The following TIPARP variants were observed in gnomAD, a reference collection of about 807,000 sequenced individuals.
TIPARP encodes TCDD inducible poly(ADP-ribose) polymerase.
TIPARP carries 12 observed loss-of-function variants against 56.5 expected under a neutral mutation model. The ratio of observed to expected loss-of-function variants is 0.21; its 90% CI spans 0.14 to 0.34. The LOEUF (loss-of-function observed/expected upper bound fraction) is 0.34. Ranked by LOEUF, TIPARP falls within the 10% of genes least tolerant of loss-of-function variation. The probability of loss-of-function intolerance (pLI) is 1.00; values close to 1 mark genes in which losing one functional copy is unlikely to be tolerated. For missense variants in TIPARP, 604 were observed against 781.6 expected (o/e 0.77, Z 2.71); for synonymous variants, 296 against 265.7 (o/e 1.11, Z -1.11).
intron 4 of TIPARP, among the ~76,000 whole-genome samples, chr3:156,698,428 A>G (rs964083636): frequency 1.3e-5 from 2 of 152,214 alleles, no homozygotes; most frequent in Admixed American, 6.5e-5. Flanking sequence ...GGACAGGGCT[A>G]TCTTGTCAAG....
Position 156,677,872 on chromosome 3 carries a change from A to G in TIPARP, c.175A>G (p.Ile59Val), listed in dbSNP as rs1722186405. Residue 59 changes from isoleucine to valine, a missense_variant, in exon 2 of 6, where the codon ATA becomes GTA. This residue lies in a region of TIPARP where 261 missense variants were observed against 279.2 expected (regional missense o/e 0.93). Coordinates refer to ENST00000295924, the MANE Select transcript of TIPARP (RefSeq NM_015508.5). ...GTGTLRSLRP[I>V]LNTLLESGSL... ...TGGAACCCTGAGGTCTTTGAGGCCA[A>G]TATTAAACACTCTTCTAGAATCTGG... is the stretch of plus-strand genomic sequence containing the variant. 1.2e-6 allele frequency: 2 copies of G among 1,614,072 alleles called. No homozygotes were observed. The highest frequency in any genetic ancestry group is 1.3e-5 in the African/African-American group (1 of 74,918).
Position 156,704,666 on chromosome 3 carries a change from G to C in TIPARP, c.1527-18G>C, listed in dbSNP as rs750729713. 7.5e-6 allele frequency: 12 copies of C among 1,598,444 alleles called. No individual in the cohort carries two copies. The highest frequency in any genetic ancestry group is 9.4e-6 in the Non-Finnish European group (11 of 1,171,850). On this transcript the variant is annotated intron_variant, in intron 5 of 5. Transcript: ENST00000295924. Reference sequence around the variant, plus strand: ...TGTATTTCATCCTTCTGAATTCTCTGTCTGTTCTTTCCATTAGGAAAAAGG... The same window carrying C: ...TGTATTTCATCCTTCTGAATTCTCTCTCTGTTCTTTCCATTAGGAAAAAGG...
rs1004599904 is a variant in TIPARP, at chr3:156,694,116, T to C, written c.1014T>C (p.Asn338=). The change falls in exon 3 of 6, where the codon AAT becomes AAC. Residue 338 remains asparagine, a synonymous_variant. Coordinates refer to ENST00000295924, the MANE Select transcript of TIPARP (RefSeq NM_015508.5). ...LRRLSTPPSS[N]VNSIYHTVWK... ...GGCTGTCCACACCACCCTCTAGCAA[T>C]GTCAACTCTATTTACCACACAGTCT... 7 of 1,613,522 alleles carry C rather than the reference T, an allele frequency of 4.3e-6. No individual in the cohort carries two copies. In the Admixed American group the frequency reaches 5.0e-5, roughly 12 times the overall value.
intron 2 of TIPARP, among the ~76,000 whole-genome samples, chr3:156,690,107 A>C (rs1387741936): frequency 1.3e-5 from 2 of 152,128 alleles, no homozygotes; most frequent in Non-Finnish European, 2.9e-5. Context: ...CTTGGTTACA[A>C]ACACTTTATA....
rs1722186039 is a variant in TIPARP, at chr3:156,677,852, C to T, written c.155C>T (p.Thr52Ile). 7 of 1,614,018 alleles carry T rather than the reference C, an allele frequency of 4.3e-6. No homozygotes were observed. In the East Asian group the frequency reaches 8.9e-5, roughly 21 times the overall value. The change falls in exon 2 of 6, where the codon ACC becomes ATC. Residue 52 changes from threonine (T) to isoleucine (I), a missense_variant. By Grantham distance (89) the Thr-to-Ile change is moderately conservative. Transcript: ENST00000295924. ...GATCAGAAAAGATTGGGAACTGGAA[C>T]CCTGAGGTCTTTGAGGCCAATATTA... ...KKDQKRLGTG[T>I]LRSLRPILNT...
rs1475476875 is a variant in TIPARP, at chr3:156,705,755, AAAC to A, written c.*633_*635del. Reference sequence around the variant, plus strand: ...TCAGAGTTCTATTTAGAGGAAGTTAAAACAACAACAAAAAACAACCATTTGAAA... The same window carrying A: ...TCAGAGTTCTATTTAGAGGAAGTTAAAACAACAAAAAACAACCATTTGAAA... On this transcript the variant is annotated 3_prime_UTR_variant, in exon 6 of 6. Transcript: ENST00000295924. 1 of 152,688 alleles carries A rather than the reference AAAC, an allele frequency of 6.5e-6. No homozygotes were observed. The highest frequency in any genetic ancestry group is 1.9e-4 in the East Asian group (1 of 5,204). 9.5% of individuals were successfully genotyped at this position (152,688 alleles called of 1,614,324 possible). A position where few individuals can be genotyped will look rare whatever the true frequency, so the allele number is the denominator to read the frequency against.
At chr3:156,675,854 T>C (rs1322012409) in intron 1 of TIPARP, 2 of 152,210 alleles carry the variant, frequency 1.3e-5, no homozygotes, top group African/African-American at 2.4e-5. Context: ...TTTTCTGTTA[T>C]GAAAACTAAT....
chr3:156,699,631 C>A (rs1013260074), intron 4 of TIPARP, among the ~76,000 whole-genome samples: 1 of 152,076 alleles, frequency 6.6e-6, no homozygotes, highest in Admixed American at 6.5e-5. Flanking sequence ...AATTGTATTA[C>A]TCACTTTATT....
rs375315846 is a variant in TIPARP, at chr3:156,678,158, C to G, written c.461C>G (p.Ser154Cys). 47 of 1,613,994 alleles carry G rather than the reference C, an allele frequency of 2.9e-5. No individual in the cohort carries two copies. Among genetic ancestry groups the G allele is most frequent in the Non-Finnish European group, 3.9e-5 (46 of 1,180,048 alleles). ...SETLSGTVAD[S>C]TPAHFQTDLL... is the part of the protein sequence containing the mutation. ...ACCCTCAGTGGGACGGTGGCAGATT[C>G]CACACCAGCTCACTTCCAGACTGAT... The change falls in exon 2 of 6, where the codon TCC (serine) becomes TGC (cysteine). Residue 154 changes from serine (S) to cysteine (C), a missense_variant. Around this residue, in one of 4 missense-constraint regions of TIPARP, gnomAD observed 261 missense variants for 279.2 expected, o/e 0.93. Coordinates refer to ENST00000295924, the MANE Select transcript of TIPARP (RefSeq NM_015508.5).
intron 2 of TIPARP, among the ~76,000 whole-genome samples, chr3:156,680,566 T>C (rs1457569525): frequency 3.3e-5 from 5 of 152,184 alleles, no homozygotes; most frequent in African/African-American, 1.2e-4. Flanking sequence ...GTACATTAAG[T>C]TTCTATCTGT....
intron 2 of TIPARP, among the ~76,000 whole-genome samples, chr3:156,689,765 G>T (rs1481543367): frequency 6.6e-6 from 1 of 152,176 alleles, no homozygotes; most frequent in Non-Finnish European, 1.5e-5. Flanking sequence ...TGTGTGCCTT[G>T]TTTGGTTAGC....
At position 156,706,670 on chromosome 3, in the gene TIPARP, C is replaced by T. The variant is rs1021924361; in HGVS notation, c.*1539C>T. 2 of 152,604 alleles carry T rather than the reference C, an allele frequency of 1.3e-5. No individual in the cohort carries two copies. Among genetic ancestry groups the T allele is most frequent in the Non-Finnish European group, 2.9e-5 (2 of 68,026 alleles). The allele number at this position is 152,604 out of a possible 1,614,324, so 9.5% of individuals were successfully genotyped here. A position where few individuals can be genotyped will look rare whatever the true frequency, so the allele number is the denominator to read the frequency against. On this transcript the variant is annotated 3_prime_UTR_variant, in exon 6 of 6. Coordinates refer to ENST00000295924, the MANE Select transcript of TIPARP (RefSeq NM_015508.5). ...CCATTGCTTATTTGGTTTTATGAGA[C>T]TTGTTCCTTTTTTTCTCCCTAAGGA...
intron 4 of TIPARP, among the ~76,000 whole-genome samples, chr3:156,696,750 T>C (rs1055109069): frequency 2.0e-5 from 3 of 152,208 alleles, no homozygotes; most frequent in African/African-American, 7.2e-5. Context: ...TTAGTATCTC[T>C]AGGGAAATCA....
At position 156,677,322 on chromosome 3, in the gene TIPARP, T is replaced by C. The variant is rs528685705; in HGVS notation, c.-41-335T>C. On this transcript the variant is annotated intron_variant, in intron 1 of 5. Transcript: ENST00000295924. ...GCTGTCATCATCTAGATACAGTTAT[T>C]TCTACCTCCCATTTCCCACCCCACT... is the stretch of plus-strand genomic sequence containing the variant. Among the ~76,000 whole-genome samples, 7 of 152,304 alleles carry C rather than the reference T, an allele frequency of 4.6e-5. No individual in the cohort carries two copies. The East Asian group carries it at 1.3e-3, about 29-fold the overall frequency.
chr3:156,702,041 G>C (rs1256273558), intron 4 of TIPARP, among the ~76,000 whole-genome samples: 4 of 144,514 alleles, frequency 2.8e-5, no homozygotes, highest in Admixed American at 2.7e-4. Context: ...TGGTGGTGGT[G>C]GTGGTGGTGG....
chr3:156,677,003 A>T (rs890415041), intron 1 of TIPARP, among the ~76,000 whole-genome samples: 57 of 152,116 alleles, frequency 3.7e-4, no homozygotes, highest in African/African-American at 1.3e-3. Flanking sequence ...AGAAGCGGTA[A>T]TGTTTTTGGG....
intron 1 of TIPARP, chr3:156,675,342 C>T (rs955093400): frequency 2.0e-5 from 3 of 152,476 alleles, no homozygotes; most frequent in African/African-American, 7.2e-5. Context: ...CCCCGCGCTT[C>T]GCGGCTCAGT....
intron 4 of TIPARP, among the ~76,000 whole-genome samples, chr3:156,702,019 CGGTGGTGGT>C (rs67188281): frequency 0.36 from 35,434 of 98,450 alleles, 6,062 homozygotes; most frequent in Middle Eastern, 0.47. Context: ...GATGATAATG[CGGTGGTGGT>C]GGTGGTGGTG....
intron 2 of TIPARP, among the ~76,000 whole-genome samples, chr3:156,693,314 C>T (rs1255632281): frequency 1.3e-5 from 2 of 152,124 alleles, no homozygotes; most frequent in African/African-American, 2.4e-5. Flanking sequence ...GAGTCTGATT[C>T]ATATAGTGGG....
Sources: allele counts gnomAD v4.1 joint callset (sites outside exome capture counted in the v4.1 genomes callset), GRCh38; gene constraint gnomAD v4.1.1; regional missense constraint gnomAD v4.1.1; transcripts MANE v1.5; gene names NCBI Gene and HGNC (gene_info 2026-07-23, HGNC 2026-07-21).